Variants in PDGFA observed in about 807,000 individuals in gnomAD.
PDGFA encodes platelet derived growth factor subunit A, also known as platelet-derived growth factor subunit A.
Under a neutral mutation model 25.6 loss-of-function variants are expected in PDGFA, and 9 were observed. That is an observed-to-expected ratio of 0.35 (90% CI 0.21 to 0.61). The LOEUF is 0.61. Among genes scored for constraint, PDGFA ranks in the 20% least tolerant of loss-of-function variants. The pLI is 0.75. For synonymous variants in PDGFA, 133 were observed against 111.8 expected, an observed-to-expected ratio of 1.19 and a Z score of -1.20; for missense variants, 242 against 272.8, an observed-to-expected ratio of 0.89 and a Z score of 0.79.
At chr7:511,378 G>GAACTTAGTCCAGGTGCGGCCA (rs1416191590) in intron 3 of PDGFA, among the ~76,000 whole-genome samples, 1 of 38,026 alleles carries the variant, frequency 2.6e-5, no homozygotes, top group Non-Finnish European at 1.2e-4. Flanking sequence ...AGAGACTGGG[G>GAACTTAGTCCAGGTGCGGCCA]GTGGCAGGGG....
At chr7:518,664 C>A (rs1430854937) in intron 1 of PDGFA, among the ~76,000 whole-genome samples, 1 of 152,054 alleles carries the variant, frequency 6.6e-6, no homozygotes. Context: ...AGCTCCCCTT[C>A]CCCGGAGAGG....
At chr7:502,728 G>A (rs1181233299) in intron 4 of PDGFA, among the ~76,000 whole-genome samples, 1 of 151,734 alleles carries the variant, frequency 6.6e-6, no homozygotes, top group East Asian at 1.9e-4. Context: ...GTCCAGGCCA[G>A]AGAGGGGAGC....
Position 517,614 on chromosome 7 carries a change from G to T in PDGFA, c.64-124C>A, listed in dbSNP as rs1264349374. 2.9e-5 allele frequency: 5 copies of T among 172,018 alleles called. No homozygotes were observed. The highest frequency in any genetic ancestry group is 4.7e-5 in the Non-Finnish European group (4 of 86,016). 10.7% of individuals were successfully genotyped at this position (172,018 alleles called of 1,614,324 possible). On this transcript the variant is annotated intron_variant, in intron 1 of 5. Coordinates refer to ENST00000402802, the Ensembl canonical transcript of PDGFA. This position sits in a 1 kb window ranked among gnomAD's most constrained non-coding sequence, Gnocchi z 7.4. ...CCCGCGAGCGCCGGCCGCAGTCCCCGCCCCAGCCCCCGCGGAGCCCTCGCC... is the reference window on the plus strand; with the variant it reads ...CCCGCGAGCGCCGGCCGCAGTCCCCTCCCCAGCCCCCGCGGAGCCCTCGCC...
rs1326617697 is a variant in PDGFA, at chr7:511,715, C to A, written c.265+636G>T. On this transcript the variant is annotated intron_variant, in intron 3 of 5. Coordinates refer to ENST00000402802, the Ensembl canonical transcript of PDGFA. ...CCATCAGGTGGGACCCCCGAGGACG[C>A]GGGACTTGGGTAGAAAGCAGGGACT... 7.9e-5 allele frequency among the ~76,000 whole-genome samples: 12 copies of A among 152,198 alleles called. No individual in the cohort carries two copies. The East Asian group carries it at 1.7e-3, about 22-fold the overall frequency.
In PDGFA at chr7:517,368, G is replaced by T; in HGVS notation, c.160+26C>A. 1 of 1,219,920 alleles carries T rather than the reference G, an allele frequency of 8.2e-7. No individual in the cohort carries two copies. Among genetic ancestry groups the T allele is most frequent in the Non-Finnish European group, 1.1e-6 (1 of 926,112 alleles). The allele number at this position is 1,219,920 out of a possible 1,614,324, so 75.6% of individuals were successfully genotyped here. On this transcript the variant is annotated intron_variant, in intron 2 of 5. Transcript: ENST00000402802. This position sits in a 1 kb window ranked among gnomAD's most constrained non-coding sequence, Gnocchi z 7.4. The stretch of plus-strand genomic sequence containing the variant: ...GGCCGCCCGCCCGCGCCCTCCCCGC[G>T]CGCGGAGGGAAGGGGCGCGATTTAC...
chr7:501,157 G>A (rs533180683), exon 5 of PDGFA: 21 of 1,614,090 alleles, frequency 1.3e-5, no homozygotes, highest in East Asian at 4.5e-5. Context: ...GCTTGTGGTC[G>A]CGCAGGCGCA....
At chr7:514,934 C>T (rs1562492802) in intron 2 of PDGFA, among the ~76,000 whole-genome samples, 1 of 152,118 alleles carries the variant, frequency 6.6e-6, no homozygotes, top group Admixed American at 6.5e-5. Context: ...ATCCCACTAC[C>T]CGTGCTCCTC....
At chr7:501,015 C>G (rs759202457) in intron 5 of PDGFA, 101 bp downstream of exon 5, 76 of 1,608,334 alleles carry the variant, frequency 4.7e-5, no homozygotes, top group Non-Finnish European at 6.3e-5. Flanking sequence ...CAGATGCTCA[C>G]AGCAGTAAGC....
chr7:517,387 G>T lies in PDGFA; in HGVS notation c.160+7C>A. 1 of 1,346,232 alleles carries T rather than the reference G, an allele frequency of 7.4e-7. No individual in the cohort carries two copies. The allele number at this position is 1,346,232 out of a possible 1,614,324, so 83.4% of individuals were successfully genotyped here. On this transcript the variant is annotated splice_region_variant and intron_variant, in intron 2 of 5. Transcript: ENST00000402802. The surrounding 1 kb of genome is among the most constrained non-coding windows in gnomAD (Gnocchi z 7.4). The stretch of plus-strand genomic sequence containing the variant: ...CCCCGCGCGCGGAGGGAAGGGGCGC[G>T]ATTTACCTACGGAGTCTATCTCCAG...
intron 2 of PDGFA, among the ~76,000 whole-genome samples, chr7:515,280 C>T (rs935374237): frequency 6.6e-6 from 1 of 152,190 alleles, no homozygotes; most frequent in African/African-American, 2.4e-5. Flanking sequence ...CTGCCCCTAA[C>T]AGACCAGAAG....
chr7:512,480 G>A, intron 2 of PDGFA, 25 bp from the exon 3 acceptor site: 2 of 1,613,242 alleles, frequency 1.2e-6, no homozygotes, highest in South Asian at 1.1e-5. Flanking sequence ...AGAACACCGT[G>A]AATGCCCCAG....
At chr7:514,129 C>T (rs1434830619) in intron 2 of PDGFA, among the ~76,000 whole-genome samples, 1 of 152,344 alleles carries the variant, frequency 6.6e-6, no homozygotes, top group East Asian at 1.9e-4. Flanking sequence ...GTGATAGCCA[C>T]GTTTGCATTA....
intron 4 of PDGFA, 145 bp from the exon 5 acceptor site, chr7:501,387 G>A (rs1264098180): frequency 3.1e-6 from 3 of 980,404 alleles, no homozygotes; most frequent in Middle Eastern, 2.3e-4. Flanking sequence ...TTGTGGTGGG[G>A]AGTGTAGCAG....
chr7:518,988 GC>G lies in PDGFA; in HGVS notation c.13del (p.Ala5LeufsTer25). 1.3e-6 allele frequency: 2 copies of G among 1,540,400 alleles called. No individual in the cohort carries two copies. Among genetic ancestry groups the G allele is most frequent in the Non-Finnish European group, 8.7e-7 (1 of 1,144,806 alleles). ...TCCGCAGCCGAGGAGCAGCAGGCAAGCCAAGGTCCTCATCGCGTCCCGAGGC... is the reference window on the plus strand; with the variant it reads ...TCCGCAGCCGAGGAGCAGCAGGCAAGCAAGGTCCTCATCGCGTCCCGAGGC... On this transcript the variant is annotated frameshift_variant, in exon 1 of 6. Transcript: ENST00000402802. LOFTEE classifies it high-confidence loss of function.
chr7:515,542 AG>A (rs1783050339), intron 2 of PDGFA, among the ~76,000 whole-genome samples: 1 of 151,998 alleles, frequency 6.6e-6, no homozygotes, highest in Admixed American at 6.5e-5. Flanking sequence ...ATGTTACAAA[AG>A]GTCCCCCACC....
At chr7:516,223 CG>C (rs1438027550) in intron 2 of PDGFA, among the ~76,000 whole-genome samples, 8 of 150,832 alleles carry the variant, frequency 5.3e-5, no homozygotes, top group African/African-American at 1.7e-4. Context: ...CCTCCGCCCC[CG>C]ATAAGGATCA....
At position 517,502 on chromosome 7, in the gene PDGFA, G is replaced by A. The variant is rs959180102; in HGVS notation, c.64-12C>T. The A allele has an allele frequency of 1.8e-5, 23 of 1,266,154 alleles. No individual in the cohort carries two copies. The highest frequency in any genetic ancestry group is 2.3e-5 in the Non-Finnish European group (23 of 985,908). The allele number at this position is 1,266,154 out of a possible 1,614,324, so 78.4% of individuals were successfully genotyped here. A position where few individuals can be genotyped will look rare whatever the true frequency, so the allele number is the denominator to read the frequency against. On this transcript the variant is annotated splice_polypyrimidine_tract_variant and intron_variant, in intron 1 of 5. Coordinates refer to ENST00000402802, the Ensembl canonical transcript of PDGFA. The surrounding 1 kb of genome is among the most constrained non-coding windows in gnomAD (Gnocchi z 7.4). ...GGGATCTCGGCTTCCTGCAAGCAGA[G>A]GCCACACGGTCAGCGCCCGCGGCCC...
intron 2 of PDGFA, chr7:512,773 T>G: frequency 1.2e-6 from 1 of 819,054 alleles, no homozygotes; most frequent in East Asian, 5.6e-5. Context: ...TCCCCTACGG[T>G]GCCTCCTCCA....
At chr7:518,656 C>A in intron 1 of PDGFA, 1 of 371,872 alleles carries the variant, frequency 2.7e-6, no homozygotes, top group Middle Eastern at 6.8e-4. Context: ...TGCGCCCCAG[C>A]TCCCCTTCCC....
Sources: allele counts gnomAD v4.1 joint callset (sites outside exome capture counted in the v4.1 genomes callset), GRCh38; gene constraint gnomAD v4.1.1; non-coding constraint Gnocchi (gnomAD v3.1); transcripts MANE v1.5; gene names NCBI Gene and HGNC (gene_info 2026-07-23, HGNC 2026-07-21).